The following RHOXF1 variants were observed in gnomAD, a reference collection of about 807,000 sequenced individuals.
RHOXF1 encodes Rhox homeobox family member 1.
In RHOXF1, 1 loss-of-function variant was observed where a neutral mutation model predicts 9.7. The ratio of observed to expected loss-of-function variants is 0.10; its 90% confidence interval spans 0.04 to 0.49. RHOXF1 has a LOEUF of 0.49. Ranked by LOEUF, RHOXF1 falls within the 20% of genes least tolerant of loss-of-function variation. The pLI, the probability that RHOXF1 is intolerant of heterozygous loss-of-function variation, is 0.95. For missense variants in RHOXF1, 179 were observed against 168.0 expected, an observed-to-expected ratio of 1.07 and a Z score of -0.36; for synonymous variants, 72 against 70.2, an observed-to-expected ratio of 1.03 and a Z score of -0.13.
chrX:120,115,949 G>A (rs1556000557), upstream of RHOXF1: 7 of 887,672 alleles, frequency 7.9e-6, no homozygotes, highest in Non-Finnish European at 1.5e-6. Context: ...CTGTTCTCAT[G>A]CTTGGTATTG....
chrX:120,115,403 A>C, intron 1 of RHOXF1, 62 bp downstream of exon 1: 139 of 926,716 alleles, frequency 1.5e-4, no homozygotes, highest in Non-Finnish European at 1.7e-4. Flanking sequence ...GGGGCAAGGG[A>C]GAGAAAAAGA....
chrX:120,115,217 T>C (rs2147139599), intron 1 of RHOXF1, among the ~76,000 whole-genome samples: 1 of 112,118 alleles, frequency 8.9e-6, no homozygotes, highest in South Asian at 3.7e-4. Flanking sequence ...AAATTTCATA[T>C]TTCCGTGTAT....
At chrX:120,115,333 C>T (rs2057288452) in intron 1 of RHOXF1, 132 bp downstream of exon 1, 1 of 444,790 alleles carries the variant, frequency 2.2e-6, no homozygotes, top group South Asian at 9.9e-5. Context: ...TAAATATCCC[C>T]CTCCACACCA....
chrX:120,113,993 G>T (rs1316466253), intron 1 of RHOXF1, among the ~76,000 whole-genome samples: 4 of 109,650 alleles, frequency 3.6e-5, no homozygotes, highest in South Asian at 8.1e-4. Flanking sequence ...AGCTACTCAG[G>T]GGGCTGACAC....
At chrX:120,112,432 C>T (rs1338174196) in intron 2 of RHOXF1, among the ~76,000 whole-genome samples, 1 of 17,721 alleles carries the variant, frequency 5.6e-5, no homozygotes, top group African/African-American at 1.1e-4. Context: ...ATATAATACA[C>T]ATATATTATA....
chrX:120,115,854 A>C lies in RHOXF1; in HGVS notation c.9T>G (p.Arg3=). The change falls in exon 1 of 3, where the codon CGT becomes CGG. Residue 3 remains arginine, a synonymous_variant. Transcript: ENST00000217999. MA[R]SLVHDTVFYC... Reference sequence around the variant, plus strand: ...AGAACACGGTGTCGTGGACGAGCGAACGCGCCATGGCTGGAGCGCTGCGCC... The same window carrying C: ...AGAACACGGTGTCGTGGACGAGCGACCGCGCCATGGCTGGAGCGCTGCGCC... 2 of 1,177,514 alleles carry C rather than the reference A, an allele frequency of 1.7e-6. No individual in the cohort carries two copies. Among genetic ancestry groups the C allele is most frequent in the Non-Finnish European group, 2.3e-6 (2 of 883,796 alleles).
At chrX:120,110,280 G>A (rs1223132316) in intron 2 of RHOXF1, among the ~76,000 whole-genome samples, 1 of 111,990 alleles carries the variant, frequency 8.9e-6, no homozygotes, top group African/African-American at 3.2e-5. Flanking sequence ...ATTTTAGCCT[G>A]TAGCATTAAG....
rs782319708 is a variant in RHOXF1 at position 120,115,876 on chromosome X, C to T, written c.-14G>A. 2.0e-5 allele frequency: 23 copies of T among 1,151,788 alleles called. No homozygotes were observed. The highest frequency in any genetic ancestry group is 3.6e-5 in the African/African-American group (2 of 54,859). The allele number at this position is 1,151,788 out of a possible 1,213,427, so 94.9% of individuals were successfully genotyped here. ...CGAACGCGCCATGGCTGGAGCGCTG[C>T]GCCCCTGCACAAACTCCGTGGCGTC... On this transcript the variant is annotated 5_prime_UTR_variant, in exon 1 of 3. Transcript: ENST00000217999.
chrX:120,117,447 T>C (rs1556000833), upstream of RHOXF1, among the ~76,000 whole-genome samples: 1 of 111,680 alleles, frequency 9.0e-6, no homozygotes, highest in Non-Finnish European at 1.9e-5. Flanking sequence ...TAAAAATATT[T>C]TTAAAAATTT....
chrX:120,119,378 T>C (rs879969003), upstream of RHOXF1, among the ~76,000 whole-genome samples: 1 of 112,189 alleles, frequency 8.9e-6, no homozygotes, highest in Admixed American at 9.4e-5. Context: ...ATCTGTTACA[T>C]CAGGCCGTGA....
intron 1 of RHOXF1, among the ~76,000 whole-genome samples, chrX:120,114,628 G>A (rs2057285431): frequency 9.0e-6 from 1 of 111,591 alleles, no homozygotes; most frequent in African/African-American, 3.3e-5. Context: ...ATTTTAAAAT[G>A]GGTAAAGGAC....
At chrX:120,118,704 C>T (rs1363312144), upstream of RHOXF1, among the ~76,000 whole-genome samples, 1 of 111,316 alleles carries the variant, frequency 9.0e-6, no homozygotes, top group Non-Finnish European at 1.9e-5. Flanking sequence ...TCCCTGCTTT[C>T]ACCTTTTTTC....
At chrX:120,113,233 C>T (rs781974892) in intron 1 of RHOXF1, among the ~76,000 whole-genome samples, 7 of 110,323 alleles carry the variant, frequency 6.3e-5, no homozygotes, top group South Asian at 8.0e-4. Flanking sequence ...CCTCCGCCTC[C>T]GGGGTTCAGA....
In RHOXF1 at chrX:120,115,649, C is replaced by A. The variant is rs782783073; in HGVS notation, c.214G>T (p.Gly72Cys). 6 of 1,188,561 alleles carry A rather than the reference C, an allele frequency of 5.0e-6. No homozygotes were observed. Among genetic ancestry groups the A allele is most frequent in the Non-Finnish European group, 6.8e-6 (6 of 883,543 alleles). ...RDGGMIPEGG[G>C]GNQEPRQQPQ... ...TGCTGCCGAGGCTCCTGGTTTCCAC[C>A]GCCGCCCTCGGGGATCATGCCGCCA... The change falls in exon 1 of 3, where the codon GGT (glycine) becomes TGT (cysteine). Residue 72 changes from glycine (G) to cysteine (C), a missense_variant. Transcript: ENST00000217999.
At chrX:120,109,752 G>A (rs782299681) in intron 2 of RHOXF1, among the ~76,000 whole-genome samples, 246 of 109,947 alleles carry the variant, frequency 2.2e-3, no homozygotes, top group Non-Finnish European at 3.7e-3. Flanking sequence ...ATGCCCAGCT[G>A]TTTTAATTTT....
Position 120,112,889 on chromosome X carries a change from C to T in RHOXF1, c.424G>A (p.Val142Met). ...TRRELAENLGVTEDKVRVWFK... is the reference protein window; with the variant it reads ...TRRELAENLGMTEDKVRVWFK... ...CTGACCCGCACTTTGTCTTCAGTCA[C>T]ACCTAAGTTTTCGGCAAGTTCCCTT... The change falls in exon 2 of 3, where the codon GTG (valine) becomes ATG (methionine). Residue 142 changes from valine (V) to methionine (M), a missense_variant. Transcript: ENST00000217999. The T allele has an allele frequency of 8.3e-7, 1 of 1,199,944 alleles. No homozygotes were observed. The highest frequency in any genetic ancestry group is 2.2e-5 in the Admixed American group (1 of 45,980).
intron 2 of RHOXF1, among the ~76,000 whole-genome samples, chrX:120,110,209 T>C (rs1178226879): frequency 8.9e-6 from 1 of 112,000 alleles, no homozygotes; most frequent in Non-Finnish European, 1.9e-5. Context: ...ACAGGTTTCC[T>C]TCCAGGATGT....
intron 1 of RHOXF1, among the ~76,000 whole-genome samples, chrX:120,113,559 TC>T (rs782601405): frequency 6.4e-5 from 7 of 109,554 alleles, no homozygotes; most frequent in Admixed American, 9.6e-5. Context: ...GCTCGAACGA[TC>T]CTCCTGCCTC....
At position 120,115,600 on chromosome X, in the gene RHOXF1, G is replaced by A. The variant is rs782318799; in HGVS notation, c.263C>T (p.Pro88Leu). The A allele has an allele frequency of 1.2e-5, 14 of 1,158,271 alleles. No homozygotes were observed. The Admixed American group carries it at 3.4e-4, about 28-fold the overall frequency. Residue 88 changes from proline (P) to leucine (L), a missense_variant, in exon 1 of 3, where the codon CCG (proline) becomes CTG (leucine). Physicochemically the swap from Pro to Leu is moderately conservative, Grantham distance 98. Coordinates refer to ENST00000217999, the MANE Select transcript of RHOXF1 (RefSeq NM_139282.3). ...CGGACCCTCCATGGCCGCCTGGGCC[G>A]GCTCCTCCGGCGGGGGCTGCGGCTG... ...RQQPQPPPEE[P>L]AQAAMEGPQP... is the part of the protein sequence containing the mutation.
Sources: gnomAD v4.1 joint callset for allele counts (sites outside exome capture counted in the v4.1 genomes callset) on GRCh38, gnomAD v4.1.1 for gene constraint, MANE v1.5 for transcripts, NCBI Gene and HGNC (gene_info 2026-07-23, HGNC 2026-07-21) for gene names.